The following TDRD9 variants were observed in gnomAD, a reference collection of about 807,000 sequenced individuals.
TDRD9 encodes the protein ATP-dependent RNA helicase TDRD9.
Under a neutral mutation model 172.6 loss-of-function variants are expected in TDRD9, and 124 were observed. That is an observed-to-expected ratio of 0.72 (90% CI 0.62 to 0.83). The LOEUF (loss-of-function observed/expected upper bound fraction) is 0.83, where lower values mean the gene tolerates loss of function less well. TDRD9 is among the 40% of genes least tolerant of loss of function. TDRD9 has a pLI of 0.00. For missense variants in TDRD9, 1,479 were observed against 1,714.1 expected, an observed-to-expected ratio of 0.86 and a Z score of 2.42; for synonymous variants, 619 against 617.1, an observed-to-expected ratio of 1.00 and a Z score of -0.05.
intron 6 of TDRD9, among the ~76,000 whole-genome samples, chr14:103,973,679 G>A (rs549630824): frequency 1.3e-5 from 2 of 152,304 alleles, no homozygotes; most frequent in East Asian, 1.9e-4. Flanking sequence ...CACTGGCCTC[G>A]TCGTTCCTTA....
At chr14:103,949,752 T>G (rs939448062) in intron 1 of TDRD9, among the ~76,000 whole-genome samples, 14 of 152,188 alleles carry the variant, frequency 9.2e-5, no homozygotes, top group African/African-American at 3.4e-4. Context: ...GGATCTCGGC[T>G]CACTGCAACA....
At chr14:103,931,056 G>A (rs933850849) in intron 1 of TDRD9, among the ~76,000 whole-genome samples, 9 of 152,064 alleles carry the variant, frequency 5.9e-5, no homozygotes, top group Non-Finnish European at 1.3e-4. Flanking sequence ...CACTTTGGGA[G>A]TCCAAGGTGG....
intron 24 of TDRD9, among the ~76,000 whole-genome samples, chr14:104,024,022 A>G (rs1317262345): frequency 2.6e-5 from 4 of 152,040 alleles, no homozygotes; most frequent in Non-Finnish European, 4.4e-5. Context: ...GGAAATTTTT[A>G]TTTTCTGTCA....
intron 9 of TDRD9, among the ~76,000 whole-genome samples, 177 bp downstream of exon 9, chr14:103,991,401 CTT>C (rs369505037): frequency 6.7e-6 from 1 of 149,136 alleles, no homozygotes; most frequent in Admixed American, 6.7e-5. Context: ...CCTTGCATTT[CTT>C]TTTTTTTTCC....
chr14:104,014,825 A>G lies in TDRD9; in HGVS notation c.2207A>G (p.Gln736Arg), dbSNP rs1479933054. Residue 736 changes from glutamine to arginine, a missense_variant, in exon 21 of 36, where the codon CAG becomes CGG. This residue lies in a region of TDRD9 where 1,413 missense variants were observed against 1,649.1 expected (regional missense o/e 0.86). Coordinates refer to ENST00000409874, the MANE Select transcript of TDRD9 (RefSeq NM_153046.3). ...PVMDQEYIYK[Q>R]RFILQVVLAG... ...ATGGACCAAGAGTATATATATAAGCAGCGATTCATCCTACAGGTGTGCTGA... is the reference window on the plus strand; with the variant it reads ...ATGGACCAAGAGTATATATATAAGCGGCGATTCATCCTACAGGTGTGCTGA... 6.2e-7 allele frequency: 1 copy of G among 1,602,996 alleles called. No homozygotes were observed. The highest frequency in any genetic ancestry group is 1.3e-5 in the African/African-American group (1 of 74,680).
In TDRD9 at chr14:104,041,890, A is replaced by G. The variant is rs117297305; in HGVS notation, c.3856-179A>G. Among the ~76,000 whole-genome samples, 1,375 of 152,364 alleles carry G rather than the reference A, an allele frequency of 9.0e-3. 5 individuals carry two copies. The highest frequency in any genetic ancestry group is 0.017 in the Middle Eastern group (5 of 294). On this transcript the variant is annotated intron_variant, in intron 33 of 35. Coordinates refer to ENST00000409874, the MANE Select transcript of TDRD9 (RefSeq NM_153046.3). ...ACATAGAGCTTGTATGTGAATATCA[A>G]TTGCAGCTTGAGTCATAATTGCTAA...
chr14:103,942,539 T>C (rs2031302153), intron 1 of TDRD9, among the ~76,000 whole-genome samples: 1 of 152,238 alleles, frequency 6.6e-6, no homozygotes, highest in Non-Finnish European at 1.5e-5. Context: ...TGTCGCGTGA[T>C]GTGATGCTTT....
chr14:103,932,642 C>T (rs2030472932), intron 1 of TDRD9, among the ~76,000 whole-genome samples: 2 of 151,398 alleles, frequency 1.3e-5, no homozygotes, highest in Non-Finnish European at 2.9e-5. Flanking sequence ...CTGCCTCGGC[C>T]TTCCAAAGTG....
intron 1 of TDRD9, among the ~76,000 whole-genome samples, chr14:103,932,536 C>T (rs558472318): frequency 3.0e-4 from 45 of 152,196 alleles, no homozygotes; most frequent in African/African-American, 1.0e-3. Context: ...TACAGGCGCC[C>T]GCCACCACAG....
chr14:104,001,141 G>T (rs767307907), intron 13 of TDRD9, among the ~76,000 whole-genome samples: 11 of 152,194 alleles, frequency 7.2e-5, no homozygotes, highest in Non-Finnish European at 1.5e-4. Context: ...GTGTAAGTTT[G>T]TGTAACCACT....
chr14:103,971,234 T>C (rs534307958), intron 6 of TDRD9, among the ~76,000 whole-genome samples: 101 of 152,196 alleles, frequency 6.6e-4, no homozygotes, highest in African/African-American at 2.2e-3. Flanking sequence ...CCGCCCGCCT[T>C]GGCCTCCCAA....
intron 6 of TDRD9, among the ~76,000 whole-genome samples, chr14:103,973,545 G>C (rs981622571): frequency 3.3e-5 from 5 of 152,248 alleles, no homozygotes; most frequent in African/African-American, 1.2e-4. Context: ...CCTGTTTGGA[G>C]AAGAGGCAGA....
chr14:103,930,595 A>C (rs2030317211), intron 1 of TDRD9, among the ~76,000 whole-genome samples: 1 of 152,112 alleles, frequency 6.6e-6, no homozygotes, highest in Non-Finnish European at 1.5e-5. Context: ...TCTTTCAAGT[A>C]CACCTTTGGG....
chr14:104,043,340 C>T (rs1013284389), intron 34 of TDRD9, among the ~76,000 whole-genome samples: 1 of 151,806 alleles, frequency 6.6e-6, no homozygotes, highest in East Asian at 1.9e-4. Flanking sequence ...CTCCCGGGTT[C>T]AAGCGATTCT....
chr14:104,033,989 A>G lies in TDRD9; in HGVS notation c.3539A>G (p.Asn1180Ser), dbSNP rs1381734266. ...GTTTGGATTGAGAAGGAGAGCATCAACTCTGTCATTATCAGTGACGCCCCT... is the reference window on the plus strand; with the variant it reads ...GTTTGGATTGAGAAGGAGAGCATCAGCTCTGTCATTATCAGTGACGCCCCT... ...RCVWIEKESI[N>S]SVIISDAPED... is the part of the protein sequence containing the mutation. The change falls in exon 31 of 36, where the codon AAC becomes AGC. Residue 1180 changes from asparagine to serine, a missense_variant. By Grantham distance (46) the Asn-to-Ser change is conservative. This residue lies in a region of TDRD9 where 1,413 missense variants were observed against 1,649.1 expected (regional missense o/e 0.86). Coordinates refer to ENST00000409874, the MANE Select transcript of TDRD9 (RefSeq NM_153046.3). The G allele has an allele frequency of 6.4e-7, 1 of 1,551,096 alleles. No individual in the cohort carries two copies. The highest frequency in any genetic ancestry group is 8.7e-7 in the Non-Finnish European group (1 of 1,146,390).
chr14:103,979,664 A>G (rs574761062), intron 7 of TDRD9, among the ~76,000 whole-genome samples: 20 of 152,336 alleles, frequency 1.3e-4, no homozygotes, highest in Non-Finnish European at 2.4e-4. Flanking sequence ...TCAAATGTCA[A>G]CATGAGATTT....
At chr14:104,033,068 G>A (rs1043212516) in intron 30 of TDRD9, among the ~76,000 whole-genome samples, 7 of 148,224 alleles carry the variant, frequency 4.7e-5, no homozygotes, top group Admixed American at 1.4e-4. Flanking sequence ...TGGGTGGGGG[G>A]AAGGGAGGTG....
intron 24 of TDRD9, among the ~76,000 whole-genome samples, chr14:104,024,186 G>A (rs1043227659): frequency 1.3e-5 from 2 of 152,106 alleles, no homozygotes; most frequent in African/African-American, 4.8e-5. Flanking sequence ...AAAGGTCAAG[G>A]TGCACATTTG....
At chr14:103,969,017 G>A (rs539722964) in intron 5 of TDRD9, among the ~76,000 whole-genome samples, 7 of 149,238 alleles carry the variant, frequency 4.7e-5, no homozygotes, top group Admixed American at 6.7e-5. Flanking sequence ...GGAGAATGGC[G>A]TGAACCCGGG....
Sources: allele counts gnomAD v4.1 joint callset (sites outside exome capture counted in the v4.1 genomes callset), GRCh38; gene constraint gnomAD v4.1.1; regional missense constraint gnomAD v4.1.1; transcripts MANE v1.5; gene names NCBI Gene and HGNC (gene_info 2026-07-23, HGNC 2026-07-21).